RPH3AL: variants seen among roughly 807,000 people sequenced by gnomAD.
The protein encoded by RPH3AL is rabphilin 3A like (without C2 domains).
In RPH3AL, 38 loss-of-function variants were observed where a neutral mutation model predicts 43.1. That is an observed-to-expected ratio of 0.88 (90% CI 0.68 to 1.15). RPH3AL has a LOEUF of 1.15. Among genes scored for constraint, RPH3AL ranks in the 50% most tolerant of loss-of-function variants. The probability of loss-of-function intolerance (pLI) is 0.00; values close to 1 mark genes in which losing one functional copy is unlikely to be tolerated. For synonymous variants in RPH3AL, 189 were observed against 176.3 expected (o/e 1.07, Z -0.57); for missense variants, 462 against 423.2 (o/e 1.09, Z -0.81).
chr17:344,452 C>A (rs563099621), intron 1 of RPH3AL, among the ~76,000 whole-genome samples: 1 of 128,440 alleles, frequency 7.8e-6, no homozygotes, highest in South Asian at 2.6e-4. Context: ...GACATCATCA[C>A]CACTATCATG....
intron 6 of RPH3AL, among the ~76,000 whole-genome samples, chr17:252,148 T>C (rs2041919349): frequency 6.6e-6 from 1 of 151,942 alleles, no homozygotes; most frequent in Non-Finnish European, 1.5e-5. Context: ...CTAATTTTTG[T>C]ATTTTTTGTA....
chr17:258,628 C>T (rs2042124319), intron 6 of RPH3AL, among the ~76,000 whole-genome samples: 1 of 152,146 alleles, frequency 6.6e-6, no homozygotes, highest in African/African-American at 2.4e-5. Context: ...TGCAAAAATC[C>T]GTCTCCCACC....
chr17:334,657 C>T lies in RPH3AL; in HGVS notation c.-212-723G>A, dbSNP rs59462858. Among the ~76,000 whole-genome samples the T allele has an allele frequency of 1.6e-3, 225 of 140,684 alleles. 1 individual carries two copies. The highest frequency in any genetic ancestry group is 2.9e-3 in the Non-Finnish European group (187 of 64,642). 92.3% of individuals were successfully genotyped at this position (140,684 alleles called of 152,430 possible). A position where few individuals can be genotyped will look rare whatever the true frequency, so the allele number is the denominator to read the frequency against. ...TGCAGCTCCTTCTCCCCACGCCTTC[C>T]CCCAGGGCCAGCCCGTCCACTGTGG... On this transcript the variant is annotated intron_variant, in intron 1 of 9. Transcript: ENST00000331302.
chr17:327,836 G>A (rs1340809983), intron 2 of RPH3AL, among the ~76,000 whole-genome samples: 1 of 152,150 alleles, frequency 6.6e-6, no homozygotes, highest in Non-Finnish European at 1.5e-5. Flanking sequence ...TGACTGGCAG[G>A]GCATCAAAAG....
chr17:267,126 C>T (rs781591648), intron 6 of RPH3AL, among the ~76,000 whole-genome samples: 2 of 152,266 alleles, frequency 1.3e-5, no homozygotes, highest in Non-Finnish European at 2.9e-5. Flanking sequence ...TCTGGTCCTG[C>T]GCGCCATCCT....
chr17:329,618 C>T (rs1432168205), intron 2 of RPH3AL, among the ~76,000 whole-genome samples: 2 of 152,178 alleles, frequency 1.3e-5, no homozygotes, highest in African/African-American at 2.4e-5. Context: ...ACCCATTAGA[C>T]GTTCACATAA....
chr17:302,569 G>A (rs1348694986), intron 5 of RPH3AL, among the ~76,000 whole-genome samples: 1 of 152,166 alleles, frequency 6.6e-6, no homozygotes, highest in East Asian at 1.9e-4. Flanking sequence ...CGGACCCCAG[G>A]ACGAGGCTAA....
At chr17:221,521 T>C (rs1597874994) in intron 7 of RPH3AL, among the ~76,000 whole-genome samples, 3 of 55,212 alleles carry the variant, frequency 5.4e-5, no homozygotes, top group South Asian at 7.9e-4. Flanking sequence ...ACTGAGACAA[T>C]AGACCCAAGC....
intron 5 of RPH3AL, among the ~76,000 whole-genome samples, chr17:298,485 T>A (rs1288073202): frequency 1.3e-5 from 2 of 151,454 alleles, no homozygotes; most frequent in Non-Finnish European, 2.9e-5. Flanking sequence ...TCACTTGAGG[T>A]CAGGAGTTTG....
chr17:241,945 C>T (rs953055517), intron 7 of RPH3AL, among the ~76,000 whole-genome samples: 6 of 151,870 alleles, frequency 4.0e-5, no homozygotes, highest in South Asian at 4.2e-4. Context: ...GGCGAAACCC[C>T]GTCTCTACTA....
intron 6 of RPH3AL, among the ~76,000 whole-genome samples, chr17:272,565 T>C (rs1471391871): frequency 1.7e-5 from 2 of 117,210 alleles, no homozygotes; most frequent in Non-Finnish European, 1.6e-5. Context: ...TGAGAACACA[T>C]GGACACAGGA....
chr17:265,763 A>G (rs569971278), intron 6 of RPH3AL, among the ~76,000 whole-genome samples: 21 of 152,262 alleles, frequency 1.4e-4, no homozygotes, highest in Non-Finnish European at 8.8e-5. Flanking sequence ...TCTCGTGTAC[A>G]GTTCTAAGAT....
At chr17:221,476 T>C (rs376867921) in intron 7 of RPH3AL, among the ~76,000 whole-genome samples, 2 of 34,228 alleles carry the variant, frequency 5.8e-5, no homozygotes, top group Admixed American at 2.8e-4. Context: ...ACTGAGACAA[T>C]AGACCCAAGC....
chr17:321,261 C>T lies in RPH3AL; in HGVS notation c.221+11G>A, dbSNP rs200632068. The T allele has an allele frequency of 1.2e-5, 20 of 1,603,136 alleles. No homozygotes were observed. In the East Asian group the frequency reaches 1.6e-4, roughly 13 times the overall value. On this transcript the variant is annotated intron_variant, in intron 4 of 9. Coordinates refer to ENST00000331302, the MANE Select transcript of RPH3AL (RefSeq NM_006987.4). ...TGTCCTCCCACTGAGCTGGCCCCGGCCCCGCCTCACCCGATTCTCTGCTGC... is the reference window on the plus strand; with the variant it reads ...TGTCCTCCCACTGAGCTGGCCCCGGTCCCGCCTCACCCGATTCTCTGCTGC...
At chr17:232,704 A>C (rs983346297) in intron 7 of RPH3AL, among the ~76,000 whole-genome samples, 5 of 152,182 alleles carry the variant, frequency 3.3e-5, no homozygotes, top group South Asian at 4.2e-4. Context: ...TGACCCAAAC[A>C]GCAGACCTGC....
rs79022109 is a variant in RPH3AL at position 215,022 on chromosome 17, G to A, written c.876+632C>T. ...AGGTGCGGCAGGCGTTCCTGTGGGT[G>A]GCTGCCGGGTGCCCTCCACACCCCG... On this transcript the variant is annotated intron_variant, in intron 9 of 9. Coordinates refer to ENST00000331302, the MANE Select transcript of RPH3AL (RefSeq NM_006987.4). This position sits in a 1 kb window ranked among gnomAD's most constrained non-coding sequence, Gnocchi z 4.1. Among the ~76,000 whole-genome samples the A allele has an allele frequency of 1.3e-5, 2 of 152,190 alleles. No individual in the cohort carries two copies. Among genetic ancestry groups the A allele is most frequent in the Non-Finnish European group, 2.9e-5 (2 of 68,028 alleles).
chr17:265,442 A>C (rs1555547675), intron 6 of RPH3AL, among the ~76,000 whole-genome samples: 1 of 152,216 alleles, frequency 6.6e-6, no homozygotes, highest in Non-Finnish European at 1.5e-5. Context: ...TTGAATATTC[A>C]AAAGTTATAT....
intron 7 of RPH3AL, among the ~76,000 whole-genome samples, chr17:240,254 GT>G (rs997906862): frequency 1.5e-5 from 2 of 135,190 alleles, no homozygotes; most frequent in Non-Finnish European, 3.3e-5. Flanking sequence ...AAAAAAAAAG[GT>G]TTTTTTGTTG....
chr17:258,095 T>G (rs558801773), intron 6 of RPH3AL, among the ~76,000 whole-genome samples: 1 of 152,310 alleles, frequency 6.6e-6, no homozygotes, highest in East Asian at 1.9e-4. Context: ...CCTTCCTTTC[T>G]GAGGCTGAGC....
Sources: gnomAD v4.1 joint callset for allele counts (sites outside exome capture counted in the v4.1 genomes callset) on GRCh38, gnomAD v4.1.1 for gene constraint, Gnocchi (gnomAD v3.1) non-coding constraint, MANE v1.5 for transcripts, NCBI Gene and HGNC (gene_info 2026-07-23, HGNC 2026-07-21) for gene names.